Variants in PYY observed in about 807,000 individuals in gnomAD.
PYY encodes the protein peptide YY.
PYY carries 12 observed loss-of-function variants against 10.3 expected under a neutral mutation model. The ratio of observed to expected loss-of-function variants is 1.17; its 90% CI spans 0.75 to 1.89. PYY has a LOEUF of 1.89. Ranked by LOEUF, PYY falls within the 40% of genes most tolerant of loss-of-function variation. The pLI is 0.00. For missense variants in PYY, 141 were observed against 134.0 expected, an observed-to-expected ratio of 1.05 and a Z score of -0.26; for synonymous variants, 66 against 62.0, an observed-to-expected ratio of 1.06 and a Z score of -0.30.
chr17:43,978,828 T>A (rs1328776333), intron 1 of PYY, among the ~76,000 whole-genome samples: 1 of 152,158 alleles, frequency 6.6e-6, no homozygotes, highest in Admixed American at 6.5e-5. Flanking sequence ...TTGGGGCCCC[T>A]CCCTGTGCTC....
chr17:43,954,424 G>C (rs1375619990), upstream of PYY, among the ~76,000 whole-genome samples: 1 of 152,238 alleles, frequency 6.6e-6, no homozygotes, highest in Non-Finnish European at 1.5e-5. Flanking sequence ...GCTGAGGAAT[G>C]ACAGGACCTT....
intron 1 of PYY, among the ~76,000 whole-genome samples, chr17:43,980,156 C>CTTT (rs569138857): frequency 4.5e-4 from 45 of 100,652 alleles, no homozygotes; most frequent in South Asian, 8.4e-4. Context: ...TCCCCTCCAC[C>CTTT]TTTTTTTTTT....
chr17:43,966,154 C>T (rs2048754771), intron 2 of PYY: 1 of 152,538 alleles, frequency 6.6e-6, no homozygotes. Flanking sequence ...TCTTAAGTGC[C>T]TACACTGTGC....
At chr17:43,992,284 A>C (rs2048962488) in intron 1 of PYY, among the ~76,000 whole-genome samples, 1 of 152,170 alleles carries the variant, frequency 6.6e-6, no homozygotes, top group South Asian at 2.1e-4. Context: ...CAAGTGCTTA[A>C]TAATAGGAAA....
At chr17:43,970,797 A>AT (rs2048787842) in intron 1 of PYY, among the ~76,000 whole-genome samples, 1 of 152,188 alleles carries the variant, frequency 6.6e-6, no homozygotes, top group South Asian at 2.1e-4. Context: ...CTTTTAGGGA[A>AT]TATCACACAA....
At chr17:43,995,034 G>A (rs1365123240) in intron 1 of PYY, among the ~76,000 whole-genome samples, 1 of 152,194 alleles carries the variant, frequency 6.6e-6, no homozygotes, top group African/African-American at 2.4e-5. Context: ...GGGACTACCC[G>A]GGACTACCCG....
intron 3 of PYY, 34 bp downstream of exon 3, chr17:43,953,075 C>T (rs1406198610): frequency 6.2e-7 from 1 of 1,610,562 alleles, no homozygotes; most frequent in Non-Finnish European, 8.5e-7. Flanking sequence ...GCCGCGCTCT[C>T]GGATGCAGGA....
rs12449369 is a variant in PYY at position 43,980,313 on chromosome 17, G to A, written c.-462-13781C>T. ...CGAGTAGCTGGGATTACAGGCATGC[G>A]CCACCATGCCCGGCTAATTTTTGTA... is the stretch of plus-strand genomic sequence containing the variant. On this transcript the variant is annotated intron_variant, in intron 1 of 6. Coordinates refer to the PYY transcript ENST00000360085. Among the ~76,000 whole-genome samples, 869 of 151,168 alleles carry A rather than the reference G, an allele frequency of 5.7e-3. 8 individuals are homozygous for A. The highest frequency in any genetic ancestry group is 0.019 in the African/African-American group (786 of 41,146).
chr17:43,959,554 T>C (rs944611261), intron 2 of PYY, among the ~76,000 whole-genome samples: 14 of 152,200 alleles, frequency 9.2e-5, no homozygotes, highest in African/African-American at 3.4e-4. Flanking sequence ...TGGTGATGCA[T>C]GCCTATAATC....
At chr17:43,994,550 A>C (rs1342206689) in intron 1 of PYY, among the ~76,000 whole-genome samples, 1 of 152,150 alleles carries the variant, frequency 6.6e-6, no homozygotes, top group Non-Finnish European at 1.5e-5. Flanking sequence ...AGTCAGCCCG[A>C]ATCCAGTGAT....
At chr17:43,982,409 C>T (rs1206515811) in intron 1 of PYY, among the ~76,000 whole-genome samples, 1 of 152,230 alleles carries the variant, frequency 6.6e-6, no homozygotes, top group African/African-American at 2.4e-5. Context: ...GTCTCCTCTA[C>T]TGATTGAGGA....
intron 1 of PYY, among the ~76,000 whole-genome samples, chr17:43,969,432 G>A (rs1206328753): frequency 1.4e-5 from 2 of 143,236 alleles, no homozygotes; most frequent in African/African-American, 5.1e-5. Context: ...CAGAAGAATC[G>A]CTTGAACCCA....
chr17:43,972,191 TTTTA>T (rs3080250), intron 1 of PYY, among the ~76,000 whole-genome samples: 11,238 of 137,936 alleles, frequency 0.081, 1,458 homozygotes, highest in African/African-American at 0.28. Context: ...TTTTATTTTA[TTTTA>T]TTTATTTATT....
At chr17:43,959,614 G>A (rs1466459053) in intron 2 of PYY, among the ~76,000 whole-genome samples, 3 of 152,198 alleles carry the variant, frequency 2.0e-5, no homozygotes, top group Admixed American at 6.5e-5. Flanking sequence ...CCTGGGAGGC[G>A]GAGATTGTAA....
intron 2 of PYY, among the ~76,000 whole-genome samples, chr17:43,959,307 C>T (rs187008123): frequency 2.6e-5 from 4 of 152,306 alleles, no homozygotes; most frequent in Non-Finnish European, 5.9e-5. Flanking sequence ...TTCTCTAGTA[C>T]TTTATATATT....
In PYY at chr17:43,952,827, G is replaced by A. The variant is rs554279006; in HGVS notation, c.*129C>T. Reference sequence around the variant, plus strand: ...GGGGCGGGGGCACCGAGACGCGGGCGGAGGGCCGCACCCGAACCCTGCCCA... The same window carrying A: ...GGGGCGGGGGCACCGAGACGCGGGCAGAGGGCCGCACCCGAACCCTGCCCA... On this transcript the variant is annotated 3_prime_UTR_variant, in exon 4 of 4. Transcript: ENST00000692052. 79 of 1,026,704 alleles carry A rather than the reference G, an allele frequency of 7.7e-5. No homozygotes were observed. The African/African-American group carries it at 1.0e-3, about 13-fold the overall frequency. 63.6% of individuals were successfully genotyped at this position (1,026,704 alleles called of 1,614,324 possible). A position where few individuals can be genotyped will look rare whatever the true frequency, so the allele number is the denominator to read the frequency against.
At chr17:43,978,235 AGAAAG>A (rs1291883704) in intron 1 of PYY, among the ~76,000 whole-genome samples, 3 of 151,116 alleles carry the variant, frequency 2.0e-5, no homozygotes, top group African/African-American at 7.3e-5. Flanking sequence ...GAAAGAAAGA[AGAAAG>A]GAAAGAAGGA....
intron 1 of PYY, among the ~76,000 whole-genome samples, chr17:43,999,203 G>T (rs1375845930): frequency 1.3e-5 from 2 of 151,946 alleles, no homozygotes. Flanking sequence ...AGGGGGAGGA[G>T]GGCTGAGAAT....
intron 1 of PYY, among the ~76,000 whole-genome samples, chr17:43,999,655 C>T (rs2049012747): frequency 1.3e-5 from 2 of 151,848 alleles, no homozygotes; most frequent in South Asian, 4.1e-4. Flanking sequence ...GTAATCCCAG[C>T]TACTCGGGAG....
Sources: gnomAD v4.1 joint callset for allele counts (sites outside exome capture counted in the v4.1 genomes callset) on GRCh38, gnomAD v4.1.1 for gene constraint, MANE v1.5 for transcripts, NCBI Gene and HGNC (gene_info 2026-07-23, HGNC 2026-07-21) for gene names.